Variants in CATSPERB observed in about 807,000 individuals in gnomAD.
The protein encoded by CATSPERB is cation channel sperm-associated auxiliary subunit beta.
CATSPERB carries 93 observed loss-of-function variants against 128.3 expected under a neutral mutation model. The observed-to-expected ratio is 0.72, with a 90% CI of 0.61 to 0.86. CATSPERB has a LOEUF of 0.86. CATSPERB is among the 40% of genes least tolerant of loss of function. The pLI, the probability that CATSPERB is intolerant of heterozygous loss-of-function variation, is 0.00. For synonymous variants in CATSPERB, 381 were observed against 448.8 expected (o/e 0.85, Z 1.91); for missense variants, 1,153 against 1,329.5 (o/e 0.87, Z 2.06).
In CATSPERB at chr14:91,638,759, T is replaced by C. The variant is rs1249953501; in HGVS notation, c.1587+337A>G. 2.6e-5 allele frequency among the ~76,000 whole-genome samples: 4 copies of C among 152,070 alleles called. No individual in the cohort carries two copies. In the South Asian group the frequency reaches 6.2e-4, roughly 24 times the overall value. ...TTTCTTCAGGGACAACCTTAAGAGG[T>C]AGAGAATCAATCCTACCTTGGCCTG... On this transcript the variant is annotated intron_variant, in intron 16 of 26. Transcript: ENST00000256343.
At position 91,610,681 on chromosome 14, in the gene CATSPERB, G is replaced by A. The variant is rs1893809561; in HGVS notation, c.2401-4C>T. On this transcript the variant is annotated splice_polypyrimidine_tract_variant and splice_region_variant and intron_variant, in intron 20 of 26. Coordinates refer to ENST00000256343, the MANE Select transcript of CATSPERB (RefSeq NM_024764.4). ...TAAATGCCAGTGAAGTTGAACCCTG[G>A]AAATAACCAAATAAATGAAGGTTAT... 6.2e-7 allele frequency: 1 copy of A among 1,613,420 alleles called. No individual in the cohort carries two copies. The highest frequency in any genetic ancestry group is 1.7e-5 in the Admixed American group (1 of 59,968).
intron 15 of CATSPERB, among the ~76,000 whole-genome samples, chr14:91,650,586 G>A (rs137915556): frequency 3.9e-5 from 6 of 152,196 alleles, no homozygotes; most frequent in African/African-American, 7.2e-5. Context: ...TTCCCATTTC[G>A]AAGAGTGTTT....
chr14:91,609,619 A>G (rs1383465843), intron 21 of CATSPERB, among the ~76,000 whole-genome samples: 1 of 152,144 alleles, frequency 6.6e-6, no homozygotes, highest in East Asian at 1.9e-4. Flanking sequence ...TTTATAATGG[A>G]TTTGTGTATA....
chr14:91,680,297 A>T (rs1895257847), intron 11 of CATSPERB, among the ~76,000 whole-genome samples: 2 of 152,106 alleles, frequency 1.3e-5, no homozygotes, highest in African/African-American at 4.8e-5. Flanking sequence ...AGGCCCAGGG[A>T]CTATTGCAGA....
chr14:91,715,967 T>C (rs1027621871), intron 5 of CATSPERB, among the ~76,000 whole-genome samples: 1 of 152,088 alleles, frequency 6.6e-6, no homozygotes, highest in African/African-American at 2.4e-5. Flanking sequence ...AAGCTAGAAG[T>C]GTAAACTTCT....
chr14:91,669,635 G>C (rs1895050981), intron 14 of CATSPERB, among the ~76,000 whole-genome samples, 179 bp downstream of exon 14: 1 of 152,190 alleles, frequency 6.6e-6, no homozygotes, highest in Non-Finnish European at 1.5e-5. Flanking sequence ...TACCTGAAAG[G>C]TAAAAACTGA....
intron 17 of CATSPERB, among the ~76,000 whole-genome samples, chr14:91,634,362 G>C (rs1196572855): frequency 6.6e-6 from 1 of 152,096 alleles, no homozygotes; most frequent in African/African-American, 2.4e-5. Context: ...CCATGTATAA[G>C]TGGACCTGCA....
chr14:91,609,459 C>G (rs1051555478), intron 21 of CATSPERB, among the ~76,000 whole-genome samples: 1 of 152,100 alleles, frequency 6.6e-6, no homozygotes, highest in Non-Finnish European at 1.5e-5. Context: ...CACCAGAAGG[C>G]GGCTACAAAA....
At chr14:91,676,332 A>G (rs1476311953) in intron 11 of CATSPERB, among the ~76,000 whole-genome samples, 1 of 152,150 alleles carries the variant, frequency 6.6e-6, no homozygotes, top group Non-Finnish European at 1.5e-5. Flanking sequence ...AGGCATCAAT[A>G]TAGGCTGCTC....
rs574180048 is a variant in CATSPERB, at chr14:91,724,974, C to T, written c.168+106G>A. The T allele has an allele frequency of 5.1e-5, 23 of 450,594 alleles. 1 individual carries two copies. The highest frequency in any genetic ancestry group is 8.9e-5 in the Non-Finnish European group (23 of 258,202). The allele number at this position is 450,594 out of a possible 1,614,324, so 27.9% of individuals were successfully genotyped here. Reference sequence around the variant, plus strand: ...TATATAGAATTTTCCCTCCCCAAGACTGAACATAGTAGAGGGTATTTGGAA... The same window carrying T: ...TATATAGAATTTTCCCTCCCCAAGATTGAACATAGTAGAGGGTATTTGGAA... On this transcript the variant is annotated intron_variant, in intron 3 of 26. Coordinates refer to ENST00000256343, the MANE Select transcript of CATSPERB (RefSeq NM_024764.4).
chr14:91,641,558 A>G (rs1436040799), intron 15 of CATSPERB, among the ~76,000 whole-genome samples: 2 of 150,424 alleles, frequency 1.3e-5, no homozygotes, highest in African/African-American at 4.9e-5. Flanking sequence ...GTTCTGTTCC[A>G]TTGATCTATA....
rs537982505 is a variant in CATSPERB, at chr14:91,706,397, C to T, written c.467-1696G>A. Among the ~76,000 whole-genome samples, 4 of 152,300 alleles carry T rather than the reference C, an allele frequency of 2.6e-5. No individual in the cohort carries two copies. The South Asian group carries it at 8.3e-4, about 32-fold the overall frequency. ...CAGCTTACCACTGGACATCACGGAG[C>T]TGACAATGCCCCCCTACTTATATAC... is the stretch of plus-strand genomic sequence containing the variant. On this transcript the variant is annotated intron_variant, in intron 6 of 26. Coordinates refer to ENST00000256343, the MANE Select transcript of CATSPERB (RefSeq NM_024764.4).
intron 26 of CATSPERB, among the ~76,000 whole-genome samples, chr14:91,582,146 A>G (rs996582549): frequency 2.0e-5 from 3 of 152,142 alleles, no homozygotes; most frequent in Non-Finnish European, 2.9e-5. Flanking sequence ...TTCCCAGCCC[A>G]CCAGTCCGTG....
At chr14:91,713,717 C>T (rs1895882343) in intron 5 of CATSPERB, among the ~76,000 whole-genome samples, 1 of 152,086 alleles carries the variant, frequency 6.6e-6, no homozygotes, top group Non-Finnish European at 1.5e-5. Flanking sequence ...GCCCAGATAC[C>T]TTCACTGGTT....
chr14:91,596,186 T>C (rs1285644), intron 22 of CATSPERB, among the ~76,000 whole-genome samples: 111,238 of 151,850 alleles, frequency 0.73, 41,178 homozygotes, highest in East Asian at 0.97. Context: ...TGTTAGAGTC[T>C]GATAGCTAAT....
chr14:91,716,513 G>A (rs1330302557), intron 5 of CATSPERB, among the ~76,000 whole-genome samples: 1 of 152,116 alleles, frequency 6.6e-6, no homozygotes, highest in African/African-American at 2.4e-5. Context: ...AGGAGGCGGA[G>A]GCTGCAGTGA....
intron 2 of CATSPERB, among the ~76,000 whole-genome samples, chr14:91,726,028 C>A (rs979800361): frequency 6.6e-6 from 1 of 152,072 alleles, no homozygotes; most frequent in Non-Finnish European, 1.5e-5. Context: ...GTCGGAGAGG[C>A]CAAAATCCAG....
chr14:91,679,462 C>T (rs1347004648), intron 11 of CATSPERB, among the ~76,000 whole-genome samples: 1 of 152,040 alleles, frequency 6.6e-6, no homozygotes, highest in East Asian at 1.9e-4. Context: ...ATGTCATATG[C>T]CATATCCATG....
intron 20 of CATSPERB, among the ~76,000 whole-genome samples, chr14:91,612,348 G>A (rs1466164287): frequency 1.3e-5 from 2 of 152,008 alleles, no homozygotes; most frequent in Admixed American, 6.6e-5. Flanking sequence ...ACGGGGTCTC[G>A]CTGTGTTGCC....
Sources: gnomAD v4.1 joint callset for allele counts (sites outside exome capture counted in the v4.1 genomes callset) on GRCh38, gnomAD v4.1.1 for gene constraint, MANE v1.5 for transcripts, NCBI Gene and HGNC (gene_info 2026-07-23, HGNC 2026-07-21) for gene names.